HELQ: variants seen among roughly 807,000 people sequenced by gnomAD.
HELQ encodes the protein helicase POLQ-like.
HELQ carries 77 observed loss-of-function variants against 111.6 expected under a neutral mutation model. The ratio of observed to expected loss-of-function variants is 0.69; its 90% CI spans 0.57 to 0.83. The LOEUF (loss-of-function observed/expected upper bound fraction) is 0.83, where lower values mean the gene tolerates loss of function less well. HELQ is among the 40% of genes least tolerant of loss of function. The probability of loss-of-function intolerance (pLI) is 0.00; values close to 1 mark genes in which losing one functional copy is unlikely to be tolerated. For synonymous variants in HELQ, 438 were observed against 454.7 expected (o/e 0.96, Z 0.47); for missense variants, 1,200 against 1,288.5 (o/e 0.93, Z 1.05).
intron 1 of HELQ, among the ~76,000 whole-genome samples, chr4:83,454,389 T>C (rs1341417457): frequency 1.3e-5 from 2 of 152,092 alleles, no homozygotes; most frequent in East Asian, 3.9e-4. Context: ...TCAGGAGTGT[T>C]ACGATGATAC....
chr4:83,410,944 A>G (rs1739051804), intron 17 of HELQ, among the ~76,000 whole-genome samples: 1 of 151,654 alleles, frequency 6.6e-6, no homozygotes. Flanking sequence ...TGAGCCCAGG[A>G]GTTCGAGACC....
chr4:83,413,581 T>C (rs1739214586), intron 17 of HELQ, among the ~76,000 whole-genome samples: 1 of 152,234 alleles, frequency 6.6e-6, no homozygotes, highest in Admixed American at 6.5e-5. Context: ...ACTCTTCTCA[T>C]GAAGAGGTGG....
chr4:83,447,065 T>C, intron 3 of HELQ, 30 bp from the exon 4 acceptor site: 1 of 1,222,392 alleles, frequency 8.2e-7, no homozygotes, highest in Non-Finnish European at 1.2e-6. Context: ...AAAGAAAAAT[T>C]GGCCAGGCAT....
In HELQ at chr4:83,439,899, TCA is replaced by T. The variant is rs1560552567; in HGVS notation, c.1770_1771del (p.Cys590Ter). 3.1e-6 allele frequency: 5 copies of T among 1,600,424 alleles called. No homozygotes were observed. In the East Asian group the frequency reaches 6.7e-5, roughly 21 times the overall value. ...TTTGCATATCATTTCTGCTACATTTTCACAGTTCTTCTTACTAGGACAAAAAA... is the reference window on the plus strand; with the variant it reads ...TTTGCATATCATTTCTGCTACATTTTCAGTTCTTCTTACTAGGACAAAAAA... On this transcript the variant is annotated stop_gained and frameshift_variant, in exon 8 of 18. Coordinates refer to ENST00000295488, the MANE Select transcript of HELQ (RefSeq NM_133636.5). LOFTEE classifies it high-confidence loss of function.
chr4:83,437,526 G>T (rs1337650756), intron 8 of HELQ, among the ~76,000 whole-genome samples: 1 of 147,876 alleles, frequency 6.8e-6, no homozygotes, highest in Non-Finnish European at 1.5e-5. Flanking sequence ...GAGGTGGGAT[G>T]ATTGCTTGAA....
chr4:83,432,119 G>A lies in HELQ; in HGVS notation c.2190+7C>T. 2 of 1,570,398 alleles carry A rather than the reference G, an allele frequency of 1.3e-6. No homozygotes were observed. The highest frequency in any genetic ancestry group is 1.7e-6 in the Non-Finnish European group (2 of 1,161,030). On this transcript the variant is annotated splice_region_variant and intron_variant, in intron 10 of 17. Transcript: ENST00000295488. ...AAAAACAACCAACCAACCAAATTGA[G>A]TATTACCTGTTGTTTGTCTTTTTCT...
intron 2 of HELQ, among the ~76,000 whole-genome samples, chr4:83,449,778 G>A (rs1215159405): frequency 6.6e-6 from 1 of 151,830 alleles, no homozygotes; most frequent in Non-Finnish European, 1.5e-5. Flanking sequence ...CAGCAGAAAT[G>A]CAAATGGCCA....
At chr4:83,427,987 G>A (rs141464571) in intron 12 of HELQ, among the ~76,000 whole-genome samples, 25 of 152,184 alleles carry the variant, frequency 1.6e-4, no homozygotes, top group Admixed American at 9.8e-4. Context: ...ATGTCCATGC[G>A]CCTTGTTTAT....
intron 15 of HELQ, 55 bp downstream of exon 15, chr4:83,421,508 A>T (rs779324848): frequency 3.7e-6 from 5 of 1,357,586 alleles, no homozygotes; most frequent in Non-Finnish European, 5.1e-6. Context: ...TTAGTTTAGT[A>T]ACAGTTAAAA....
In HELQ at chr4:83,453,956, A is replaced by G. The variant is rs781651892; in HGVS notation, c.298-11T>C. 4.0e-6 allele frequency: 6 copies of G among 1,492,382 alleles called. No homozygotes were observed. In the African/African-American group the frequency reaches 8.4e-5, roughly 21 times the overall value. The allele number at this position is 1,492,382 out of a possible 1,614,324, so 92.4% of individuals were successfully genotyped here. A position where few individuals can be genotyped will look rare whatever the true frequency, so the allele number is the denominator to read the frequency against. On this transcript the variant is annotated splice_polypyrimidine_tract_variant and intron_variant, in intron 1 of 17. Transcript: ENST00000295488. ...TTCACTGTCATTAGGCTGCAAAGAG[A>G]ACAAAAACGCTTATGGTCAATTCCA... is the stretch of plus-strand genomic sequence containing the variant.
intron 17 of HELQ, among the ~76,000 whole-genome samples, chr4:83,408,153 G>A (rs573736543): frequency 6.6e-6 from 1 of 152,242 alleles, no homozygotes; most frequent in South Asian, 2.1e-4. Flanking sequence ...CAAAACCCTT[G>A]TGTTAGTATT....
intron 8 of HELQ, among the ~76,000 whole-genome samples, chr4:83,439,334 G>A (rs554881977): frequency 1.6e-4 from 24 of 150,564 alleles, no homozygotes; most frequent in African/African-American, 4.4e-4. Flanking sequence ...CAAAGTGCTG[G>A]GATTACAGGC....
chr4:83,413,332 T>C (rs530616754), intron 17 of HELQ, among the ~76,000 whole-genome samples: 134 of 152,286 alleles, frequency 8.8e-4, no homozygotes, highest in African/African-American at 2.8e-3. Context: ...GCTACAGAAA[T>C]GATTGCTTGT....
intron 9 of HELQ, among the ~76,000 whole-genome samples, chr4:83,434,981 G>C (rs1161703274): frequency 6.6e-6 from 1 of 152,090 alleles, no homozygotes; most frequent in Non-Finnish European, 1.5e-5. Context: ...TAGATTAAAA[G>C]CATCCACCCA....
intron 9 of HELQ, among the ~76,000 whole-genome samples, chr4:83,435,856 G>A (rs2109993614): frequency 6.6e-6 from 1 of 151,918 alleles, no homozygotes; most frequent in East Asian, 1.9e-4. Flanking sequence ...AGTAACCACT[G>A]GAATAATAGA....
chr4:83,445,409 A>G (rs1305082848), intron 5 of HELQ, among the ~76,000 whole-genome samples: 1 of 152,198 alleles, frequency 6.6e-6, no homozygotes, highest in Non-Finnish European at 1.5e-5. Flanking sequence ...AATACTTTTT[A>G]AGATTTGACC....
intron 3 of HELQ, among the ~76,000 whole-genome samples, chr4:83,448,440 C>G (rs1188780314): frequency 6.6e-6 from 1 of 151,836 alleles, no homozygotes; most frequent in Non-Finnish European, 1.5e-5. Flanking sequence ...GAGGCTGAGG[C>G]GGGTGGATCA....
chr4:83,441,194 T>A (rs1044849793), intron 7 of HELQ, 111 bp downstream of exon 7: 4 of 655,808 alleles, frequency 6.1e-6, no homozygotes, highest in Non-Finnish European at 1.1e-5. Flanking sequence ...ATGTCAAGCA[T>A]CAGCTGTTTC....
chr4:83,415,038 A>G (rs900747558), intron 17 of HELQ, among the ~76,000 whole-genome samples: 1 of 152,216 alleles, frequency 6.6e-6, no homozygotes, highest in African/African-American at 2.4e-5. Context: ...GAGCACCATT[A>G]AAAAATGATG....
Sources: allele counts gnomAD v4.1 joint callset (sites outside exome capture counted in the v4.1 genomes callset), GRCh38; gene constraint gnomAD v4.1.1; transcripts MANE v1.5; gene names NCBI Gene and HGNC (gene_info 2026-07-23, HGNC 2026-07-21).